PARD3B: variants seen among roughly 807,000 people sequenced by gnomAD.
PARD3B encodes partitioning defective 3 homolog B.
A neutral mutation model predicts 130.2 loss-of-function variants in PARD3B; 103 were observed. The ratio of observed to expected loss-of-function variants is 0.79; its 90% CI spans 0.67 to 0.93. The LOEUF (loss-of-function observed/expected upper bound fraction) is 0.93, where lower values mean the gene tolerates loss of function less well. Among genes scored for constraint, PARD3B ranks in the 40% least tolerant of loss-of-function variants. PARD3B has a pLI of 0.00. For missense variants in PARD3B, 1,609 were observed against 1,499.2 expected (o/e 1.07, Z -1.21); for synonymous variants, 583 against 553.2 (o/e 1.05, Z -0.76).
chr2:204,988,632 A>G (rs1423529793), intron 3 of PARD3B, among the ~76,000 whole-genome samples: 1 of 152,212 alleles, frequency 6.6e-6, no homozygotes, highest in East Asian at 1.9e-4. Context: ...TACCCACAAT[A>G]ATTAAAAATA....
intron 19 of PARD3B, among the ~76,000 whole-genome samples, chr2:205,411,776 C>A (rs548292248): frequency 6.6e-6 from 1 of 152,086 alleles, no homozygotes; most frequent in East Asian, 1.9e-4. Flanking sequence ...TTTTATTGAT[C>A]GCCGGTTGGA....
At chr2:205,425,565 AAAAC>A (rs1407146668) in intron 19 of PARD3B, among the ~76,000 whole-genome samples, 1 of 152,074 alleles carries the variant, frequency 6.6e-6, no homozygotes, top group African/African-American at 2.4e-5. Context: ...AAAAAAAAAA[AAAAC>A]AACAACATTT....
At chr2:204,996,734 T>G (rs566372981) in intron 3 of PARD3B, among the ~76,000 whole-genome samples, 1 of 149,074 alleles carries the variant, frequency 6.7e-6, no homozygotes, top group East Asian at 2.0e-4. Flanking sequence ...ATCAGCGAGA[T>G]TCCGTGGGCG....
chr2:205,266,244 C>G (rs2040500199), intron 16 of PARD3B, among the ~76,000 whole-genome samples: 1 of 152,064 alleles, frequency 6.6e-6, no homozygotes, highest in Admixed American at 6.6e-5. Flanking sequence ...AATTTGGCAA[C>G]TGTTTAACTC....
At chr2:204,580,491 C>G (rs912830272) in intron 1 of PARD3B, among the ~76,000 whole-genome samples, 1 of 152,108 alleles carries the variant, frequency 6.6e-6, no homozygotes, top group Non-Finnish European at 1.5e-5. Context: ...CTGACCCTAG[C>G]CGATCCTATC....
intron 22 of PARD3B, among the ~76,000 whole-genome samples, chr2:205,569,163 T>C (rs1197432644): frequency 1.4e-5 from 2 of 144,438 alleles, no homozygotes; most frequent in East Asian, 2.1e-4. Flanking sequence ...TTCTCATGTT[T>C]ATTAGAATCC....
At chr2:205,221,718 A>T (rs1391246980) in intron 15 of PARD3B, among the ~76,000 whole-genome samples, 1 of 110,306 alleles carries the variant, frequency 9.1e-6, no homozygotes, top group African/African-American at 3.2e-5. Flanking sequence ...GATATCACCT[A>T]GCACTGTCTC....
chr2:205,422,184 T>A (rs536846844), intron 19 of PARD3B, among the ~76,000 whole-genome samples: 1 of 152,084 alleles, frequency 6.6e-6, no homozygotes, highest in Non-Finnish European at 1.5e-5. Context: ...TCACAAGAAG[T>A]CGATTTCAGA....
intron 1 of PARD3B, among the ~76,000 whole-genome samples, chr2:204,662,372 G>A (rs1478186202): frequency 6.6e-6 from 1 of 152,136 alleles, no homozygotes; most frequent in Non-Finnish European, 1.5e-5. Context: ...CAGATACAGT[G>A]AGTTTTCATT....
At chr2:204,616,603 A>C (rs142884830) in intron 1 of PARD3B, among the ~76,000 whole-genome samples, 1 of 152,218 alleles carries the variant, frequency 6.6e-6, no homozygotes, top group African/African-American at 2.4e-5. Flanking sequence ...TGATCCAGCA[A>C]TTGTGCTCCC....
intron 1 of PARD3B, among the ~76,000 whole-genome samples, chr2:204,611,693 G>T (rs2033928286): frequency 6.6e-6 from 1 of 152,064 alleles, no homozygotes; most frequent in Admixed American, 6.5e-5. Flanking sequence ...TATTCTTAAT[G>T]TTCTTACTAT....
chr2:205,195,213 T>TATA (rs1455271316), intron 15 of PARD3B, among the ~76,000 whole-genome samples: 1 of 152,202 alleles, frequency 6.6e-6, no homozygotes. Flanking sequence ...TTTTTATACA[T>TATA]ATGCCATAAA....
intron 21 of PARD3B, among the ~76,000 whole-genome samples, chr2:205,534,435 G>A (rs1346719641): frequency 6.6e-6 from 1 of 152,070 alleles, no homozygotes; most frequent in African/African-American, 2.4e-5. Context: ...AGAGGTGGGA[G>A]GATCAGAACT....
At chr2:205,605,463 T>C (rs4511707) in intron 22 of PARD3B, among the ~76,000 whole-genome samples, 91,465 of 151,956 alleles carry the variant, frequency 0.6, 28,941 homozygotes, top group African/African-American at 0.77. Flanking sequence ...TGTGTGTGTG[T>C]GTTTTGTTTT....
chr2:204,977,915 T>C (rs527774785), intron 3 of PARD3B, among the ~76,000 whole-genome samples: 25 of 151,886 alleles, frequency 1.6e-4, no homozygotes, highest in Admixed American at 3.3e-4. Context: ...GCTCCAGATG[T>C]TGGGGAGAGG....
At position 205,483,916 on chromosome 2, in the gene PARD3B, C is replaced by T. The variant is rs77512764; in HGVS notation, c.3045-15980C>T. ...AACTATCTCGAATAAAACATGTTAC[C>T]TCCTTTCATCTTAATATGGAATGTA... On this transcript the variant is annotated intron_variant, in intron 20 of 22. Transcript: ENST00000406610. Among the ~76,000 whole-genome samples, 201 of 152,258 alleles carry T rather than the reference C, an allele frequency of 1.3e-3. 1 individual carries two copies. The East Asian group carries it at 0.036, about 27-fold the overall frequency.
intron 4 of PARD3B, among the ~76,000 whole-genome samples, chr2:205,077,951 C>T (rs964081203): frequency 6.6e-6 from 1 of 152,150 alleles, no homozygotes; most frequent in Non-Finnish European, 1.5e-5. Flanking sequence ...ATTTCAATGT[C>T]TCTTTTAATG....
chr2:204,546,209 C>T lies in PARD3B; in HGVS notation c.120+90C>T, dbSNP rs746622436. 87 of 1,514,790 alleles carry T rather than the reference C, an allele frequency of 5.7e-5. No homozygotes were observed. In the Middle Eastern group the frequency reaches 2.7e-3, roughly 47 times the overall value. 93.8% of individuals were successfully genotyped at this position (1,514,790 alleles called of 1,614,324 possible). A position where few individuals can be genotyped will look rare whatever the true frequency, so the allele number is the denominator to read the frequency against. ...GGCGACACTCAGGGGATGCAGAAAA[C>T]CCAGGGGATTATGGGGCACTGCCTG... On this transcript the variant is annotated intron_variant, in intron 1 of 22. Coordinates refer to ENST00000406610, the MANE Select transcript of PARD3B (RefSeq NM_001302769.2).
intron 3 of PARD3B, among the ~76,000 whole-genome samples, chr2:205,029,968 A>G (rs1697307981): frequency 6.6e-6 from 1 of 152,140 alleles, no homozygotes; most frequent in Admixed American, 6.6e-5. Flanking sequence ...TTTTCCCGCC[A>G]AACTCTTTTG....
Sources: gnomAD v4.1 joint callset for allele counts (sites outside exome capture counted in the v4.1 genomes callset) on GRCh38, gnomAD v4.1.1 for gene constraint, MANE v1.5 for transcripts, NCBI Gene and HGNC (gene_info 2026-07-23, HGNC 2026-07-21) for gene names.